The following HYCC2 variants were observed in gnomAD, a reference collection of about 807,000 sequenced individuals.
The protein encoded by HYCC2 is hyccin 2.
the HYCC2 span, among the ~76,000 whole-genome samples, chr2:200,989,495 A>T: frequency 1.2e-4 from 19 of 152,206 alleles, no homozygotes; most frequent in African/African-American, 4.3e-4. Context: ...AAAGTATTTT[A>T]AAAATGATAT....
chr2:201,043,471 T>G, the HYCC2 span, among the ~76,000 whole-genome samples: 1 of 150,082 alleles, frequency 6.7e-6, no homozygotes, highest in African/African-American at 2.4e-5. Flanking sequence ...AGAATAGTAC[T>G]GGTTACAGAG....
At chr2:201,009,036 T>C in the HYCC2 span, 9 of 1,614,072 alleles carry the variant, frequency 5.6e-6, no homozygotes, top group Non-Finnish European at 7.6e-6. Context: ...TCTGATGAGA[T>C]CATGCTGACA....
chr2:201,042,582 A>G, the HYCC2 span, among the ~76,000 whole-genome samples: 1 of 148,380 alleles, frequency 6.7e-6, no homozygotes, highest in Non-Finnish European at 1.5e-5. Flanking sequence ...CCGTCTGAGA[A>G]GTGAGGAGCC....
the HYCC2 span, among the ~76,000 whole-genome samples, chr2:201,004,889 C>T: frequency 1.3e-5 from 2 of 151,790 alleles, no homozygotes; most frequent in African/African-American, 4.8e-5. Flanking sequence ...TGGTGGCGGG[C>T]GCCTGTAGTC....
chr2:200,992,833 A>G, the HYCC2 span: 1 of 1,087,162 alleles, frequency 9.2e-7, no homozygotes, highest in South Asian at 1.3e-5. Context: ...AGAAATATTC[A>G]AAGTTTCTAA....
chr2:201,001,280 CT>C, the HYCC2 span, among the ~76,000 whole-genome samples: 1 of 152,156 alleles, frequency 6.6e-6, no homozygotes, highest in African/African-American at 2.4e-5. Flanking sequence ...TCTGCTGGCA[CT>C]TTAAGCTTGT....
the HYCC2 span, chr2:201,011,368 T>G: frequency 7.5e-7 from 1 of 1,340,174 alleles, no homozygotes; most frequent in Non-Finnish European, 1.0e-6. Flanking sequence ...TTTAAAATAA[T>G]TCCACCTTTC....
chr2:201,048,814 A>G, the HYCC2 span, among the ~76,000 whole-genome samples: 4 of 152,162 alleles, frequency 2.6e-5, no homozygotes, highest in Non-Finnish European at 5.9e-5. Flanking sequence ...TCATAAACTT[A>G]TATGTACCCA....
chr2:201,033,196 T>TGTGTGAGA, the HYCC2 span, among the ~76,000 whole-genome samples: 210 of 106,238 alleles, frequency 2.0e-3, no homozygotes, highest in Non-Finnish European at 2.4e-3. Context: ...TGTGTGTGTG[T>TGTGTGAGA]GAGAGAGAGA....
chr2:200,976,803 T>G, the HYCC2 span: 3 of 152,188 alleles, frequency 2.0e-5, no homozygotes, highest in Non-Finnish European at 2.9e-5. Flanking sequence ...AAGGAAATAT[T>G]GCTTGCATTT....
the HYCC2 span, among the ~76,000 whole-genome samples, chr2:200,990,062 T>A: frequency 6.6e-6 from 1 of 152,148 alleles, no homozygotes; most frequent in Admixed American, 6.5e-5. Context: ...AAGCTAGCAC[T>A]TCCCTTTAAT....
At chr2:201,024,058 G>A in the HYCC2 span, 1 of 1,417,314 alleles carries the variant, frequency 7.1e-7, no homozygotes. Context: ...AAAAAGTATT[G>A]AAGCTGAGGA....
the HYCC2 span, among the ~76,000 whole-genome samples, chr2:201,036,789 A>C: frequency 4.6e-5 from 7 of 152,230 alleles, no homozygotes; most frequent in Non-Finnish European, 1.0e-4. Flanking sequence ...AGCCAATATC[A>C]TACTGAATGG....
the HYCC2 span, among the ~76,000 whole-genome samples, chr2:201,032,376 A>G: frequency 6.6e-6 from 1 of 152,146 alleles, no homozygotes; most frequent in African/African-American, 2.4e-5. Flanking sequence ...TTGAAGATGA[A>G]TATTAGACTT....
the HYCC2 span, among the ~76,000 whole-genome samples, chr2:201,059,058 G>C: frequency 6.6e-6 from 1 of 152,104 alleles, no homozygotes; most frequent in South Asian, 2.1e-4. Context: ...TGAAACATTA[G>C]CTCTTCAGAG....
At chr2:201,043,466 A>G in the HYCC2 span, among the ~76,000 whole-genome samples, 9 of 150,316 alleles carry the variant, frequency 6.0e-5, no homozygotes, top group South Asian at 1.9e-3. Flanking sequence ...AAAATAGAAT[A>G]GTACTGGTTA....
At chr2:201,033,753 T>C in the HYCC2 span, among the ~76,000 whole-genome samples, 1 of 151,960 alleles carries the variant, frequency 6.6e-6, no homozygotes, top group African/African-American at 2.4e-5. Context: ...GTTGCCCAGA[T>C]TGGTCTCACT....
chr2:201,021,245 T>C, the HYCC2 span, among the ~76,000 whole-genome samples: 4 of 152,282 alleles, frequency 2.6e-5, no homozygotes, highest in African/African-American at 9.6e-5. Flanking sequence ...TATCATTCTA[T>C]TTTTCTGAAG....
the HYCC2 span, among the ~76,000 whole-genome samples, chr2:201,003,960 C>G: frequency 1.3e-5 from 2 of 151,576 alleles, no homozygotes; most frequent in Non-Finnish European, 1.5e-5. Flanking sequence ...ATTACAGGTG[C>G]CCACCATCAC....
Sources: gnomAD v4.1 joint callset for allele counts (sites outside exome capture counted in the v4.1 genomes callset) on GRCh38, gnomAD v4.1.1 for gene constraint, MANE v1.5 for transcripts, NCBI Gene and HGNC (gene_info 2026-07-23, HGNC 2026-07-21) for gene names.